The following ADK variants were observed in gnomAD, a reference collection of about 807,000 sequenced individuals.
ADK encodes the protein adenosine kinase, also known as N6,N6-dimethyladenosine kinase.
A neutral mutation model predicts 44.7 loss-of-function variants in ADK; 24 were observed. That is an observed-to-expected ratio of 0.54 (90% CI 0.39 to 0.76). The LOEUF (loss-of-function observed/expected upper bound fraction) is 0.76, where lower values mean the gene tolerates loss of function less well. Among genes scored for constraint, ADK ranks in the 30% least tolerant of loss-of-function variants. The probability of loss-of-function intolerance (pLI) is 0.00; values close to 1 mark genes in which losing one functional copy is unlikely to be tolerated. For synonymous variants in ADK, 128 were observed against 142.6 expected, an observed-to-expected ratio of 0.90 and a Z score of 0.73; for missense variants, 321 against 425.1, an observed-to-expected ratio of 0.76 and a Z score of 2.15.
At chr10:74,629,416 T>C (rs1382709238) in intron 9 of ADK, among the ~76,000 whole-genome samples, 7 of 152,166 alleles carry the variant, frequency 4.6e-5, no homozygotes, top group African/African-American at 1.4e-4. Flanking sequence ...AAGAAAGATA[T>C]GAGCAGAGCA....
intron 7 of ADK, among the ~76,000 whole-genome samples, chr10:74,571,358 G>T (rs1049578324): frequency 3.9e-5 from 6 of 152,202 alleles, no homozygotes; most frequent in Non-Finnish European, 7.3e-5. Flanking sequence ...GTTTCAGAAG[G>T]AATGGTACCA....
intron 5 of ADK, 21 bp downstream of exon 5, chr10:74,394,334 AC>A (rs1389276415): frequency 2.5e-6 from 4 of 1,611,300 alleles, no homozygotes; most frequent in African/African-American, 1.3e-5. Flanking sequence ...TTCCAAGGGA[AC>A]CACTATACTA....
chr10:74,637,455 A>G (rs1853657365), intron 9 of ADK, among the ~76,000 whole-genome samples: 1 of 152,274 alleles, frequency 6.6e-6, no homozygotes, highest in Non-Finnish European at 1.5e-5. Context: ...CTGGTTCTAT[A>G]TAATCAAGTT....
intron 2 of ADK, among the ~76,000 whole-genome samples, chr10:74,212,197 A>G (rs1843839765): frequency 6.6e-6 from 1 of 152,214 alleles, no homozygotes; most frequent in Admixed American, 6.5e-5. Context: ...ATTTTGCCCA[A>G]ATAGATGCTG....
At chr10:74,321,128 T>A (rs951338360) in intron 4 of ADK, among the ~76,000 whole-genome samples, 4 of 152,218 alleles carry the variant, frequency 2.6e-5, no homozygotes, top group Non-Finnish European at 2.9e-5. Flanking sequence ...ATAGTATTTT[T>A]AAATTTATTT....
intron 7 of ADK, among the ~76,000 whole-genome samples, chr10:74,546,246 T>C (rs957685813): frequency 6.6e-6 from 1 of 152,194 alleles, no homozygotes; most frequent in Non-Finnish European, 1.5e-5. Context: ...ACAAAGAATG[T>C]TGTCACAACT....
At chr10:74,486,914 A>G (rs1264491212) in intron 6 of ADK, among the ~76,000 whole-genome samples, 1 of 152,126 alleles carries the variant, frequency 6.6e-6, no homozygotes, top group Non-Finnish European at 1.5e-5. Context: ...TGTTTCCCAG[A>G]TCTATGTGTA....
At chr10:74,380,479 CG>C (rs1436670989) in intron 4 of ADK, among the ~76,000 whole-genome samples, 1 of 151,962 alleles carries the variant, frequency 6.6e-6, no homozygotes, top group Admixed American at 6.6e-5. Context: ...AGTTCTTCTC[CG>C]GGCGCAGTGG....
intron 6 of ADK, among the ~76,000 whole-genome samples, chr10:74,444,631 A>G (rs1173822971): frequency 6.6e-6 from 1 of 152,096 alleles, no homozygotes; most frequent in African/African-American, 2.4e-5. Context: ...TCTTTCTTAT[A>G]AGTATAGTGT....
chr10:74,335,504 C>T (rs1280851541), intron 4 of ADK, among the ~76,000 whole-genome samples: 1 of 152,184 alleles, frequency 6.6e-6, no homozygotes, highest in Non-Finnish European at 1.5e-5. Flanking sequence ...TGTCTCTATC[C>T]ACTCTAGAGG....
At chr10:74,260,880 C>G (rs550117996) in intron 3 of ADK, among the ~76,000 whole-genome samples, 1 of 152,180 alleles carries the variant, frequency 6.6e-6, no homozygotes, top group East Asian at 1.9e-4. Flanking sequence ...AGTCTCCTAT[C>G]CTACCCTGGG....
chr10:74,483,148 T>G (rs1052830476), intron 6 of ADK, among the ~76,000 whole-genome samples: 1 of 152,156 alleles, frequency 6.6e-6, no homozygotes, highest in African/African-American at 2.4e-5. Flanking sequence ...CATCAGGTGT[T>G]TCCATACGTC....
intron 3 of ADK, among the ~76,000 whole-genome samples, chr10:74,288,438 T>C (rs756625871): frequency 6.6e-6 from 1 of 152,066 alleles, no homozygotes; most frequent in Non-Finnish European, 1.5e-5. Context: ...TCAGCTGAGA[T>C]CAGGAGTTCG....
intron 7 of ADK, among the ~76,000 whole-genome samples, chr10:74,537,878 T>G (rs533998066): frequency 9.9e-5 from 15 of 152,144 alleles, no homozygotes; most frequent in Non-Finnish European, 1.9e-4. Flanking sequence ...AGTTAAATTT[T>G]TTCATAGGGA....
chr10:74,214,781 G>A (rs1300815841), intron 2 of ADK, among the ~76,000 whole-genome samples: 1 of 152,190 alleles, frequency 6.6e-6, no homozygotes, highest in Admixed American at 6.5e-5. Context: ...TCATTTTATA[G>A]GGGTAGAAGA....
At chr10:74,193,556 A>T (rs1365886356) in intron 1 of ADK, among the ~76,000 whole-genome samples, 2 of 152,212 alleles carry the variant, frequency 1.3e-5, no homozygotes, top group Admixed American at 1.3e-4. Flanking sequence ...AGGCTGAGGC[A>T]GAAGTATAGC....
chr10:74,315,843 A>G (rs955694738), intron 4 of ADK, among the ~76,000 whole-genome samples: 1 of 152,202 alleles, frequency 6.6e-6, no homozygotes, highest in African/African-American at 2.4e-5. Context: ...GGCGGTCATT[A>G]ATATGAAGTG....
At chr10:74,378,751 C>G (rs985483592) in intron 4 of ADK, among the ~76,000 whole-genome samples, 14 of 151,840 alleles carry the variant, frequency 9.2e-5, no homozygotes, top group Admixed American at 3.3e-4. Context: ...GGGGGAAATC[C>G]AGTTCAGTGG....
intron 4 of ADK, among the ~76,000 whole-genome samples, chr10:74,333,290 G>A (rs1841284855): frequency 6.6e-6 from 1 of 152,152 alleles, no homozygotes; most frequent in African/African-American, 2.4e-5. Flanking sequence ...CTACAGTATT[G>A]TACAAAGGAA....
Sources: gnomAD v4.1 joint callset for allele counts (sites outside exome capture counted in the v4.1 genomes callset) on GRCh38, gnomAD v4.1.1 for gene constraint, MANE v1.5 for transcripts, NCBI Gene and HGNC (gene_info 2026-07-23, HGNC 2026-07-21) for gene names.